The following WWC2 variants were observed in gnomAD, a reference collection of about 807,000 sequenced individuals.
WWC2 encodes WW and C2 domain containing 2, also known as protein WWC2.
In WWC2, 101 loss-of-function variants were observed where a neutral mutation model predicts 138.5. The observed-to-expected ratio is 0.73, with a 90% CI of 0.62 to 0.86. WWC2 has a LOEUF of 0.86. Among genes scored for constraint, WWC2 ranks in the 40% least tolerant of loss-of-function variants. WWC2 has a pLI of 0.00. For synonymous variants in WWC2, 558 were observed against 538.4 expected (o/e 1.04, Z -0.50); for missense variants, 1,420 against 1,419.4 (o/e 1.00, Z -0.01).
intron 15 of WWC2, chr4:183,269,622 A>G: frequency 2.5e-6 from 1 of 392,170 alleles, no homozygotes; most frequent in South Asian, 1.9e-5. Flanking sequence ...TTCAACGGTC[A>G]TACAACTAGT....
At chr4:183,187,426 C>T (rs1321080782) in intron 1 of WWC2, among the ~76,000 whole-genome samples, 1 of 151,322 alleles carries the variant, frequency 6.6e-6, no homozygotes, top group South Asian at 2.1e-4. Context: ...TGGTGGCACG[C>T]ACCTGTAGTC....
intron 11 of WWC2, among the ~76,000 whole-genome samples, chr4:183,264,754 A>C (rs1034030620): frequency 1.3e-5 from 2 of 152,294 alleles, no homozygotes; most frequent in Non-Finnish European, 2.9e-5. Flanking sequence ...ACAAAGAAAA[A>C]CCATATTCTC....
chr4:183,231,258 CTTTTTTTTTTT>C (rs1192297768), intron 4 of WWC2, among the ~76,000 whole-genome samples: 232 of 75,332 alleles, frequency 3.1e-3, no homozygotes, highest in African/African-American at 0.013. Flanking sequence ...ACAGTGAAAG[CTTTTTTTTTTT>C]TTTTTTTTTT....
At chr4:183,212,233 GA>G (rs1036631910) in intron 4 of WWC2, among the ~76,000 whole-genome samples, 1 of 152,124 alleles carries the variant, frequency 6.6e-6, no homozygotes, top group African/African-American at 2.4e-5. Context: ...AAAAGAGTAT[GA>G]AAAAGGTTTG....
intron 1 of WWC2, among the ~76,000 whole-genome samples, chr4:183,178,454 C>T (rs1734527010): frequency 6.7e-6 from 1 of 150,130 alleles, no homozygotes; most frequent in Non-Finnish European, 1.5e-5. Flanking sequence ...TGGCACATAC[C>T]GGTAAGTCCT....
In WWC2 at chr4:183,320,266, G is replaced by T; in HGVS notation, c.*4537G>T. The T allele has an allele frequency of 6.6e-7, 1 of 1,523,824 alleles. No homozygotes were observed. The highest frequency in any genetic ancestry group is 8.9e-7 in the Non-Finnish European group (1 of 1,121,502). 94.4% of individuals were successfully genotyped at this position (1,523,824 alleles called of 1,614,324 possible). A position where few individuals can be genotyped will look rare whatever the true frequency, so the allele number is the denominator to read the frequency against. On this transcript the variant is annotated 3_prime_UTR_variant, in exon 23 of 23. Transcript: ENST00000403733. ...CCAAACTAACTCCTGCCCTTCGGTT[G>T]CTGTGAAAAGAAGTGTGACACTTGT...
chr4:183,309,211 A>G (rs1467597339), intron 21 of WWC2, among the ~76,000 whole-genome samples: 1 of 152,240 alleles, frequency 6.6e-6, no homozygotes, highest in East Asian at 1.9e-4. Flanking sequence ...CATCAGAGGC[A>G]TGATCCATGA....
chr4:183,124,768 C>A (rs187469801), intron 1 of WWC2, among the ~76,000 whole-genome samples: 8 of 151,800 alleles, frequency 5.3e-5, no homozygotes, highest in African/African-American at 1.9e-4. Flanking sequence ...TTTTTGTATT[C>A]TTAGTAGAGA....
At chr4:183,133,776 T>A (rs1433952179) in intron 1 of WWC2, among the ~76,000 whole-genome samples, 2 of 152,206 alleles carry the variant, frequency 1.3e-5, no homozygotes, top group East Asian at 1.9e-4. Flanking sequence ...ATTACAGGCG[T>A]GAGCCACCAT....
chr4:183,289,658 T>C (rs1738373685), intron 21 of WWC2, 23 bp downstream of exon 21: 1 of 1,608,386 alleles, frequency 6.2e-7, no homozygotes, highest in Non-Finnish European at 8.5e-7. Context: ...GGGTCTGTCA[T>C]CTCGGAGGGG....
At chr4:183,283,445 A>AT (rs11447728) in intron 18 of WWC2, among the ~76,000 whole-genome samples, 35,300 of 152,184 alleles carry the variant, frequency 0.23, 4,304 homozygotes, top group Non-Finnish European at 0.27. Context: ...TTCAAGCTTC[A>AT]TGGATGCTCA....
chr4:183,305,914 G>A (rs536299814), intron 21 of WWC2, among the ~76,000 whole-genome samples: 27 of 152,250 alleles, frequency 1.8e-4, no homozygotes, highest in African/African-American at 5.3e-4. Flanking sequence ...TAGCAACAGT[G>A]TATTCAGTTA....
chr4:183,130,533 A>T (rs577103297), intron 1 of WWC2, among the ~76,000 whole-genome samples: 1 of 152,162 alleles, frequency 6.6e-6, no homozygotes, highest in Non-Finnish European at 1.5e-5. Flanking sequence ...CTGATTATGT[A>T]CTTGATTCTT....
chr4:183,131,294 A>G (rs1163634158), intron 1 of WWC2, among the ~76,000 whole-genome samples: 3 of 151,946 alleles, frequency 2.0e-5, no homozygotes, highest in African/African-American at 4.8e-5. Flanking sequence ...TAGAAAATAC[A>G]TCAGAAAAAA....
Position 183,193,668 on chromosome 4 carries a change from TG to T in WWC2, c.202del (p.Asp68ThrfsTer18). ...TGCCGTGGGGATGGGAAGCAGGGTTTGACCCTCAGATTGGTGTCTACTACAT... is the reference window on the plus strand; with the variant it reads ...TGCCGTGGGGATGGGAAGCAGGGTTTACCCTCAGATTGGTGTCTACTACAT... ...ELPWGWEAGF[D>X]PQIGVYYIDH... On this transcript the variant is annotated frameshift_variant, in exon 2 of 23. Transcript: ENST00000403733. LOFTEE classifies it high-confidence loss of function. 6.2e-7 allele frequency: 1 copy of T among 1,613,946 alleles called. No homozygotes were observed. Among genetic ancestry groups the T allele is most frequent in the Non-Finnish European group, 8.5e-7 (1 of 1,179,872 alleles).
chr4:183,276,272 A>C (rs1470689597), intron 16 of WWC2, among the ~76,000 whole-genome samples: 1 of 152,010 alleles, frequency 6.6e-6, no homozygotes, highest in Non-Finnish European at 1.5e-5. Flanking sequence ...CCAGTCTTAA[A>C]ATCTTCATCT....
rs1409497567 is a variant in WWC2, at chr4:183,099,674, C to T, written c.131+52C>T. ...CCCGTTCGGACACGGCGGCTGTTGT[C>T]CCGGAGACCCGGCCGCGCGGGGGGC... On this transcript the variant is annotated intron_variant, in intron 1 of 22. Coordinates refer to ENST00000403733, the MANE Select transcript of WWC2 (RefSeq NM_024949.6). 9.5e-5 allele frequency: 113 copies of T among 1,191,856 alleles called. No homozygotes were observed. In the East Asian group the frequency reaches 4.3e-3, roughly 45 times the overall value. 73.8% of individuals were successfully genotyped at this position (1,191,856 alleles called of 1,614,324 possible).
In WWC2 at chr4:183,320,202, C is replaced by G; in HGVS notation, c.*4473C>G. On this transcript the variant is annotated 3_prime_UTR_variant, in exon 23 of 23. Coordinates refer to ENST00000403733, the MANE Select transcript of WWC2 (RefSeq NM_024949.6). Reference sequence around the variant, plus strand: ...AACTCCAGCTAGTTGAGCTACAGTTCTAAATACTAAAGCCATTATAATGTC... The same window carrying G: ...AACTCCAGCTAGTTGAGCTACAGTTGTAAATACTAAAGCCATTATAATGTC... The G allele has an allele frequency of 6.2e-7, 1 of 1,613,554 alleles. No homozygotes were observed. The highest frequency in any genetic ancestry group is 1.1e-5 in the South Asian group (1 of 90,990).
rs113498880 is a variant in WWC2 at position 183,271,297 on chromosome 4, C to A, written c.2562+56C>A. Reference sequence around the variant, plus strand: ...TAATGTGAAATACATATATGAAATACATATATGAAAGTAATATGAAATATG... The same window carrying A: ...TAATGTGAAATACATATATGAAATAAATATATGAAAGTAATATGAAATATG... On this transcript the variant is annotated intron_variant, in intron 16 of 22. Coordinates refer to ENST00000403733, the MANE Select transcript of WWC2 (RefSeq NM_024949.6). 2.4e-4 allele frequency: 331 copies of A among 1,380,906 alleles called. No homozygotes were observed. In the African/African-American group the frequency reaches 4.2e-3, roughly 17 times the overall value. 85.5% of individuals were successfully genotyped at this position (1,380,906 alleles called of 1,614,324 possible).
Sources: gnomAD v4.1 joint callset for allele counts (sites outside exome capture counted in the v4.1 genomes callset) on GRCh38, gnomAD v4.1.1 for gene constraint, MANE v1.5 for transcripts, NCBI Gene and HGNC (gene_info 2026-07-23, HGNC 2026-07-21) for gene names.